The following ABCA13 variants were observed in gnomAD, a reference collection of about 807,000 sequenced individuals.
ABCA13 encodes ATP binding cassette subfamily A member 13, also known as ATP-binding cassette sub-family A member 13.
In ABCA13, 476 loss-of-function variants were observed where a neutral mutation model predicts 478.7. That is an observed-to-expected ratio of 0.99 (90% CI 0.92 to 1.07). The LOEUF (loss-of-function observed/expected upper bound fraction) is 1.07, where lower values mean the gene tolerates loss of function less well. Among genes scored for constraint, ABCA13 ranks in the 50% least tolerant of loss-of-function variants. The pLI is 0.00. For missense variants in ABCA13, 6,060 were observed against 5,910.6 expected, an observed-to-expected ratio of 1.03 and a Z score of -0.83; for synonymous variants, 2,252 against 2,158.9, an observed-to-expected ratio of 1.04 and a Z score of -1.20.
chr7:48,585,379 T>C lies in ABCA13; in HGVS notation c.14506-1775T>C, dbSNP rs555816162. 7.9e-5 allele frequency among the ~76,000 whole-genome samples: 12 copies of C among 152,338 alleles called. No individual in the cohort carries two copies. The East Asian group carries it at 2.3e-3, about 29-fold the overall frequency. ...CCTTGAGAAGATTTTCTTAGGCAGA[T>C]AGCAGGAGATTAAATATTTCATCTT... is the stretch of plus-strand genomic sequence containing the variant. On this transcript the variant is annotated intron_variant, in intron 56 of 61. Coordinates refer to ENST00000435803, the MANE Select transcript of ABCA13 (RefSeq NM_152701.5).
rs753391633 is a variant in ABCA13 at position 48,227,343 on chromosome 7, T to C, written c.550T>C (p.Leu184=). The C allele has an allele frequency of 6.4e-7, 1 of 1,572,774 alleles. No homozygotes were observed. The highest frequency in any genetic ancestry group is 1.5e-5 in the African/African-American group (1 of 65,812). Residue 184 remains leucine, a synonymous_variant, in exon 6 of 62, where the codon TTA becomes CTA. Transcript: ENST00000435803. ...GCCTCATATCTGGGATTTTCTACTT[T>C]TACTGCCGAGACTACACACAAGCCA... is the stretch of plus-strand genomic sequence containing the variant. ...QQPHIWDFLL[L]LPRLHTSHDH...
At chr7:48,555,877 A>C (rs1785773641) in intron 55 of ABCA13, among the ~76,000 whole-genome samples, 5 of 150,752 alleles carry the variant, frequency 3.3e-5, no homozygotes, top group Admixed American at 2.6e-4. Flanking sequence ...TTGCTTTTCT[A>C]GTTCTTTAAT....
intron 20 of ABCA13, among the ~76,000 whole-genome samples, chr7:48,290,058 A>G (rs1261015027): frequency 6.6e-6 from 1 of 152,250 alleles, no homozygotes; most frequent in East Asian, 1.9e-4. Flanking sequence ...CAGTAGCAAC[A>G]TGGAATTCCC....
intron 59 of ABCA13, among the ~76,000 whole-genome samples, chr7:48,621,752 A>C (rs1793159856): frequency 6.6e-6 from 1 of 152,226 alleles, no homozygotes; most frequent in Non-Finnish European, 1.5e-5. Flanking sequence ...TAACCAAATT[A>C]AAGTTTAAAG....
intron 27 of ABCA13, among the ~76,000 whole-genome samples, chr7:48,319,409 A>G (rs1206109812): frequency 6.6e-6 from 1 of 152,194 alleles, no homozygotes; most frequent in Non-Finnish European, 1.5e-5. Flanking sequence ...GCAGTCAGCC[A>G]TGGCTATTTG....
At chr7:48,229,750 A>C (rs1788775109) in intron 6 of ABCA13, 75 bp from the exon 7 acceptor site, 3 of 1,569,948 alleles carry the variant, frequency 1.9e-6, no homozygotes, top group Non-Finnish European at 2.6e-6. Context: ...ATGGGATGTA[A>C]GTAAACCTAG....
intron 1 of ABCA13, among the ~76,000 whole-genome samples, chr7:48,175,988 A>G (rs959436160): frequency 2.6e-5 from 4 of 152,194 alleles, no homozygotes; most frequent in African/African-American, 9.7e-5. Context: ...CCCATGTTTT[A>G]ATATTGAACA....
At chr7:48,468,183 A>C (rs1468554093) in intron 44 of ABCA13, among the ~76,000 whole-genome samples, 1 of 152,182 alleles carries the variant, frequency 6.6e-6, no homozygotes, top group Non-Finnish European at 1.5e-5. Context: ...AGGTAGAATC[A>C]ATAATTAAAG....
chr7:48,324,923 G>A (rs962304850), intron 27 of ABCA13, among the ~76,000 whole-genome samples: 4 of 152,194 alleles, frequency 2.6e-5, no homozygotes, highest in African/African-American at 7.2e-5. Context: ...TTGTTGCAAA[G>A]CCATTTGGAG....
At chr7:48,620,469 G>A (rs530222001) in intron 59 of ABCA13, among the ~76,000 whole-genome samples, 1 of 152,140 alleles carries the variant, frequency 6.6e-6, no homozygotes, top group African/African-American at 2.4e-5. Context: ...GGTTGTGGGA[G>A]GTTGTCCTGG....
chr7:48,341,858 T>TATATATATATATAGCTTTCTG, intron 29 of ABCA13, among the ~76,000 whole-genome samples: 1 of 86,702 alleles, frequency 1.2e-5, no homozygotes, highest in African/African-American at 4.5e-5. Context: ...ATCTTTCTGA[T>TATATATATATATAGCTTTCTG]ATATATATAT....
chr7:48,283,499 C>T, intron 19 of ABCA13, among the ~76,000 whole-genome samples: 1 of 152,084 alleles, frequency 6.6e-6, no homozygotes, highest in East Asian at 1.9e-4. Context: ...GTCTGCCATG[C>T]TCATGGTTAT....
rs1446191686 is a variant in ABCA13, at chr7:48,524,258, A to T, written c.14062A>T (p.Thr4688Ser). The T allele has an allele frequency of 1.2e-6, 2 of 1,610,726 alleles. No homozygotes were observed. The highest frequency in any genetic ancestry group is 1.1e-5 in the South Asian group (1 of 90,324). ...ATTTCATCTTCCCAGGGGTCATTCTACTCTCCAAGGCACAGTCAAATCTTC... is the reference window on the plus strand; with the variant it reads ...ATTTCATCTTCCCAGGGGTCATTCTTCTCTCCAAGGCACAGTCAAATCTTC... The part of the protein sequence containing the change: ...DLLRWPRGHS[T>S]LQGTVKSSKD... The change falls in exon 54 of 62, where the codon ACT (threonine) becomes TCT (serine). Residue 4688 changes from threonine to serine, a missense_variant. Coordinates refer to ENST00000435803, the MANE Select transcript of ABCA13 (RefSeq NM_152701.5).
At chr7:48,294,319 A>G (rs1378905766) in intron 20 of ABCA13, among the ~76,000 whole-genome samples, 1 of 151,942 alleles carries the variant, frequency 6.6e-6, no homozygotes, top group Non-Finnish European at 1.5e-5. Context: ...TTAATTCTCT[A>G]GATGTGTTCA....
At chr7:48,310,268 C>T (rs1264833516) in intron 24 of ABCA13, 127 bp downstream of exon 24, 12 of 1,016,444 alleles carry the variant, frequency 1.2e-5, no homozygotes, top group Non-Finnish European at 1.7e-5. Flanking sequence ...CAGTGGTCTC[C>T]ACCAGCCTCT....
intron 28 of ABCA13, 87 bp from the exon 29 acceptor site, chr7:48,338,278 A>T (rs1207307082): frequency 1.0e-6 from 1 of 985,136 alleles, no homozygotes. Flanking sequence ...TTCCTTTGTA[A>T]TGAAACTTTG....
intron 42 of ABCA13, among the ~76,000 whole-genome samples, chr7:48,439,082 A>G (rs1823238729): frequency 6.6e-6 from 1 of 152,120 alleles, no homozygotes; most frequent in South Asian, 2.1e-4. Context: ...ATAAATTACC[A>G]TCAACAGAAC....
intron 45 of ABCA13, among the ~76,000 whole-genome samples, chr7:48,479,961 A>G (rs1479826411): frequency 6.6e-6 from 1 of 152,192 alleles, no homozygotes. Flanking sequence ...ATGAATGTGA[A>G]ACTGGCCCAA....
intron 48 of ABCA13, among the ~76,000 whole-genome samples, chr7:48,496,087 C>G (rs943729722): frequency 1.3e-5 from 2 of 152,024 alleles, no homozygotes; most frequent in Non-Finnish European, 2.9e-5. Context: ...GTTTGGGAAC[C>G]ATTGCATTTA....
Sources: allele counts gnomAD v4.1 joint callset (sites outside exome capture counted in the v4.1 genomes callset), GRCh38; gene constraint gnomAD v4.1.1; transcripts MANE v1.5; gene names NCBI Gene and HGNC (gene_info 2026-07-23, HGNC 2026-07-21).